The following UVRAG variants were observed in gnomAD, a reference collection of about 807,000 sequenced individuals.
UVRAG encodes UV radiation resistance-associated gene protein.
Under a neutral mutation model 78.0 loss-of-function variants are expected in UVRAG, and 19 were observed. The ratio of observed to expected loss-of-function variants is 0.24; its 90% CI spans 0.17 to 0.36. UVRAG has a LOEUF of 0.36. Ranked by LOEUF, UVRAG falls within the 10% of genes least tolerant of loss-of-function variation. The pLI, the probability that UVRAG is intolerant of heterozygous loss-of-function variation, is 1.00. For missense variants in UVRAG, 740 were observed against 853.8 expected (o/e 0.87, Z 1.66); for synonymous variants, 323 against 324.6 (o/e 1.00, Z 0.05).
Position 76,065,785 on chromosome 11 carries a change from A to T in UVRAG, c.1302A>T (p.Ala434=), listed in dbSNP as rs751593183. The T allele has an allele frequency of 1.2e-6, 2 of 1,613,450 alleles. No homozygotes were observed. The highest frequency in any genetic ancestry group is 4.5e-5 in the East Asian group (2 of 44,870). ...TCTATCTTCTGAACAAAAATATAGCACAGGTAAGTCTCTGTTCTTCACTTC... is the reference window on the plus strand; with the variant it reads ...TCTATCTTCTGAACAAAAATATAGCTCAGGTAAGTCTCTGTTCTTCACTTC... The part of the protein sequence containing the change: ...YGVYLLNKNI[A]QLRYQHGLGT... The change falls in exon 13 of 15, where the codon GCA becomes GCT. Residue 434 remains alanine (A), a synonymous_variant. Coordinates refer to ENST00000356136, the MANE Select transcript of UVRAG (RefSeq NM_003369.4).
intron 12 of UVRAG, among the ~76,000 whole-genome samples, chr11:76,030,552 ATTTAC>A (rs1212229512): frequency 6.6e-6 from 1 of 152,036 alleles, no homozygotes; most frequent in Non-Finnish European, 1.5e-5. Context: ...CTGGCCCACT[ATTTAC>A]TTTTTTAGTC....
At chr11:76,012,818 TG>T (rs1341883090) in intron 11 of UVRAG, 2 of 150,584 alleles carry the variant, frequency 1.3e-5, no homozygotes, top group Non-Finnish European at 2.9e-5. Flanking sequence ...TGTGTGTGTG[TG>T]TGTGTGTGTG....
intron 4 of UVRAG, among the ~76,000 whole-genome samples, chr11:75,883,135 A>G (rs1162257700): frequency 2.0e-5 from 3 of 152,128 alleles, no homozygotes; most frequent in Non-Finnish European, 2.9e-5. Context: ...ACTTGAAAGT[A>G]TCTATATTTC....
chr11:76,033,932 T>C (rs1950481653), intron 12 of UVRAG, among the ~76,000 whole-genome samples: 1 of 152,176 alleles, frequency 6.6e-6, no homozygotes, highest in South Asian at 2.1e-4. Context: ...AGTTTAACAA[T>C]ACAGTTAAAT....
At chr11:76,121,332 G>A (rs939703095) in intron 14 of UVRAG, among the ~76,000 whole-genome samples, 1 of 152,130 alleles carries the variant, frequency 6.6e-6, no homozygotes, top group African/African-American at 2.4e-5. Context: ...TAACCTAGTC[G>A]TAACTGCCAA....
At chr11:75,976,971 T>C (rs1204912544) in intron 7 of UVRAG, among the ~76,000 whole-genome samples, 2 of 152,232 alleles carry the variant, frequency 1.3e-5, no homozygotes, top group Non-Finnish European at 2.9e-5. Context: ...AGGGTGTCAA[T>C]TTTAGATCTT....
chr11:76,066,663 G>A (rs572348344), intron 13 of UVRAG, among the ~76,000 whole-genome samples: 11 of 152,144 alleles, frequency 7.2e-5, no homozygotes, highest in African/African-American at 2.2e-4. Context: ...TAGTAGAGAC[G>A]GGGTTTCACC....
chr11:75,832,481 G>A (rs970788094), intron 1 of UVRAG, among the ~76,000 whole-genome samples: 1 of 152,222 alleles, frequency 6.6e-6, no homozygotes, highest in Non-Finnish European at 1.5e-5. Context: ...AACAGCCAAT[G>A]GAAGAGATAA....
Position 75,844,259 on chromosome 11 carries a change from A to T in UVRAG, c.118-7624A>T, listed in dbSNP as rs371615649. 1.8e-4 allele frequency among the ~76,000 whole-genome samples: 28 copies of T among 151,566 alleles called. 1 individual carries two copies. The East Asian group carries it at 5.0e-3, about 27-fold the overall frequency. ...TCTTTTTTTTTTGAGGCAGAGTCTC[A>T]CTCTGTCGCCCAGGCTGGAGTGCAG... On this transcript the variant is annotated intron_variant, in intron 1 of 14. Transcript: ENST00000356136.
At chr11:76,003,411 G>C (rs765095597) in intron 8 of UVRAG, among the ~76,000 whole-genome samples, 7 of 151,500 alleles carry the variant, frequency 4.6e-5, no homozygotes, top group Non-Finnish European at 1.0e-4. Context: ...AGTAGAGACG[G>C]GGTTTCACCA....
At chr11:75,869,459 T>C (rs985585732) in intron 3 of UVRAG, among the ~76,000 whole-genome samples, 2 of 152,152 alleles carry the variant, frequency 1.3e-5, no homozygotes, top group African/African-American at 2.4e-5. Context: ...TGAATTAACA[T>C]TGAGTGTGTG....
rs200805535 is a variant in UVRAG, at chr11:76,139,987, AT to A, written c.1398-720del. Among the ~76,000 whole-genome samples the A allele has an allele frequency of 3.4e-3, 479 of 140,606 alleles. 2 individuals are homozygous for A. The highest frequency in any genetic ancestry group is 7.2e-3 in the Middle Eastern group (2 of 276). 92.2% of individuals were successfully genotyped at this position (140,606 alleles called of 152,430 possible). ...AATGTATTTCCCAAGTTAGTTTTTC[AT>A]TTTAAAAAAAAAAAAGGAACCCCTC... On this transcript the variant is annotated intron_variant, in intron 14 of 14. Transcript: ENST00000356136.
At chr11:76,095,870 CA>C (rs747792893) in intron 13 of UVRAG, among the ~76,000 whole-genome samples, 199 of 45,972 alleles carry the variant, frequency 4.3e-3, no homozygotes, top group Middle Eastern at 0.021. Flanking sequence ...GACTCTGTCT[CA>C]AAAAAAAAAA....
At chr11:76,100,874 C>T (rs1176324855) in intron 13 of UVRAG, among the ~76,000 whole-genome samples, 1 of 152,138 alleles carries the variant, frequency 6.6e-6, no homozygotes, top group African/African-American at 2.4e-5. Context: ...GTTTTCTCAT[C>T]CTGCGTTAGT....
intron 12 of UVRAG, among the ~76,000 whole-genome samples, chr11:76,023,027 A>G (rs1431116313): frequency 1.3e-5 from 2 of 152,116 alleles, no homozygotes; most frequent in African/African-American, 4.8e-5. Flanking sequence ...TAGCATATAA[A>G]AACTCTGTTT....
At chr11:75,941,347 G>A (rs977593734) in intron 6 of UVRAG, among the ~76,000 whole-genome samples, 1 of 151,950 alleles carries the variant, frequency 6.6e-6, no homozygotes. Context: ...AAAACTGTAA[G>A]ATATTTAAAA....
chr11:75,824,296 T>G (rs1426799482), intron 1 of UVRAG, among the ~76,000 whole-genome samples: 2 of 152,218 alleles, frequency 1.3e-5, no homozygotes, highest in African/African-American at 4.8e-5. Flanking sequence ...CCTCAGAAAC[T>G]TAAGATATCA....
At chr11:75,819,419 C>T (rs1945338313) in intron 1 of UVRAG, among the ~76,000 whole-genome samples, 1 of 152,104 alleles carries the variant, frequency 6.6e-6, no homozygotes, top group Non-Finnish European at 1.5e-5. Flanking sequence ...GCAATCTCCT[C>T]TCACTGCAAC....
intron 12 of UVRAG, among the ~76,000 whole-genome samples, chr11:76,049,119 G>A (rs1301673161): frequency 1.3e-5 from 2 of 152,206 alleles, no homozygotes; most frequent in African/African-American, 4.8e-5. Context: ...CTGTGAAGGG[G>A]CTGCTGAATA....
Sources: gnomAD v4.1 joint callset for allele counts (sites outside exome capture counted in the v4.1 genomes callset) on GRCh38, gnomAD v4.1.1 for gene constraint, MANE v1.5 for transcripts, NCBI Gene and HGNC (gene_info 2026-07-23, HGNC 2026-07-21) for gene names.